CRPPA: variants seen among roughly 807,000 people sequenced by gnomAD.
CRPPA encodes D-ribitol-5-phosphate cytidylyltransferase.
A neutral mutation model predicts 52.0 loss-of-function variants in CRPPA; 43 were observed. The observed-to-expected ratio is 0.83, with a 90% CI of 0.65 to 1.07. The LOEUF (loss-of-function observed/expected upper bound fraction) is 1.07. Ranked by LOEUF, CRPPA falls within the 50% of genes least tolerant of loss-of-function variation. The pLI, the probability that CRPPA is intolerant of heterozygous loss-of-function variation, is 0.00. For synonymous variants in CRPPA, 250 were observed against 203.5 expected (o/e 1.23, Z -1.94); for missense variants, 629 against 551.7 (o/e 1.14, Z -1.40).
Position 16,090,647 on chromosome 7 carries a change from C to T in CRPPA, c.*1048G>A, listed in dbSNP as rs1244886214. 6.6e-6 allele frequency: 1 copy of T among 151,782 alleles called. No individual in the cohort carries two copies. Among genetic ancestry groups the T allele is most frequent in the Non-Finnish European group, 1.5e-5 (1 of 68,022 alleles). The allele number at this position is 151,782 out of a possible 1,614,324, so 9.4% of individuals were successfully genotyped here. A position where few individuals can be genotyped will look rare whatever the true frequency, so the allele number is the denominator to read the frequency against. On this transcript the variant is annotated 3_prime_UTR_variant, in exon 10 of 10. Transcript: ENST00000407010. ...CTGAGGGAGGATAATTGCTTAAACC[C>T]AGGAGGCAGAGGTTGCAGTCAGCTG... is the stretch of plus-strand genomic sequence containing the variant.
At chr7:16,113,836 A>G (rs1395261383) in intron 9 of CRPPA, among the ~76,000 whole-genome samples, 1 of 152,068 alleles carries the variant, frequency 6.6e-6, no homozygotes, top group Non-Finnish European at 1.5e-5. Context: ...TGTAACTCAC[A>G]TGGAAGGAAA....
intron 1 of CRPPA, among the ~76,000 whole-genome samples, chr7:16,412,074 A>T (rs56199980): frequency 0.15 from 22,998 of 152,194 alleles, 1,982 homozygotes; most frequent in Admixed American, 0.19. Flanking sequence ...CCTTAAAATA[A>T]CTCAAATTCT....
At chr7:16,362,500 C>T (rs1012675988) in intron 3 of CRPPA, among the ~76,000 whole-genome samples, 3 of 152,058 alleles carry the variant, frequency 2.0e-5, no homozygotes, top group Non-Finnish European at 4.4e-5. Flanking sequence ...AATGTCATCA[C>T]GTTGGGATTT....
rs1002371305 is a variant in CRPPA at position 16,360,219 on chromosome 7, C to T, written c.684+15873G>A. On this transcript the variant is annotated intron_variant, in intron 3 of 9. Transcript: ENST00000407010. ...AAGTTCAGTTTTCTATTCTGTAGTA[C>T]ATGAGGAAGATAAATTGTTTTTAAA... Among the ~76,000 whole-genome samples the T allele has an allele frequency of 3.3e-5, 5 of 152,180 alleles. No homozygotes were observed. The East Asian group carries it at 7.7e-4, about 23-fold the overall frequency.
intron 3 of CRPPA, among the ~76,000 whole-genome samples, chr7:16,316,084 C>A (rs1785137810): frequency 6.6e-6 from 1 of 152,082 alleles, no homozygotes; most frequent in African/African-American, 2.4e-5. Context: ...ACATGGTAAT[C>A]TATAAAATTG....
At chr7:16,338,344 A>G (rs943476313) in intron 3 of CRPPA, among the ~76,000 whole-genome samples, 5 of 152,220 alleles carry the variant, frequency 3.3e-5, no homozygotes, top group Non-Finnish European at 7.3e-5. Context: ...CACTTCCATG[A>G]TAAAAACTCA....
chr7:16,220,746 A>C (rs529304329), intron 8 of CRPPA, among the ~76,000 whole-genome samples: 2 of 150,882 alleles, frequency 1.3e-5, no homozygotes, highest in South Asian at 4.3e-4. Context: ...AGGGATGTGA[A>C]GGACCTCTTC....
chr7:16,383,014 G>C (rs1787153637), intron 2 of CRPPA, among the ~76,000 whole-genome samples: 1 of 152,220 alleles, frequency 6.6e-6, no homozygotes, highest in Non-Finnish European at 1.5e-5. Context: ...TCTCCGTCTA[G>C]CTTTGTTCCA....
In CRPPA at chr7:16,378,694, C is replaced by A. The variant is rs559388920; in HGVS notation, c.535-2453G>T. Among the ~76,000 whole-genome samples the A allele has an allele frequency of 2.4e-3, 361 of 150,328 alleles. 2 individuals are homozygous for A. Among genetic ancestry groups the A allele is most frequent in the African/African-American group, 8.5e-3 (349 of 41,222 alleles). Reference sequence around the variant, plus strand: ...CCCTGAGGAATCGCCACACTGACTTCCACAATGGTTGAACTAGTTTACAGT... The same window carrying A: ...CCCTGAGGAATCGCCACACTGACTTACACAATGGTTGAACTAGTTTACAGT... On this transcript the variant is annotated intron_variant, in intron 2 of 9. Transcript: ENST00000407010.
intron 9 of CRPPA, among the ~76,000 whole-genome samples, chr7:16,112,177 T>G (rs1329139964): frequency 6.6e-6 from 1 of 152,016 alleles, no homozygotes; most frequent in Non-Finnish European, 1.5e-5. Context: ...TAGCCAGGTG[T>G]GGTGGCATGT....
At chr7:16,347,830 T>C (rs1035269022) in intron 3 of CRPPA, among the ~76,000 whole-genome samples, 4 of 152,048 alleles carry the variant, frequency 2.6e-5, no homozygotes, top group African/African-American at 9.7e-5. Context: ...GAACCACATA[T>C]AGCACCCTAA....
At chr7:16,162,705 G>C (rs1225538348) in intron 9 of CRPPA, among the ~76,000 whole-genome samples, 2 of 152,158 alleles carry the variant, frequency 1.3e-5, no homozygotes, top group Admixed American at 6.5e-5. Context: ...GCTTTGTCCA[G>C]AGCTGAGTTT....
intron 3 of CRPPA, among the ~76,000 whole-genome samples, chr7:16,358,402 G>C (rs1187112552): frequency 1.3e-5 from 2 of 152,106 alleles, no homozygotes; most frequent in Non-Finnish European, 2.9e-5. Flanking sequence ...AATATATAAA[G>C]GTAGCTCTTA....
intron 5 of CRPPA, among the ~76,000 whole-genome samples, chr7:16,284,022 T>C (rs1784372420): frequency 6.6e-6 from 1 of 152,210 alleles, no homozygotes; most frequent in Non-Finnish European, 1.5e-5. Context: ...TTTGCATATG[T>C]GAAATGAGAA....
intron 8 of CRPPA, among the ~76,000 whole-genome samples, chr7:16,241,969 G>T (rs752377263): frequency 0.47 from 38,750 of 81,992 alleles, 7,347 homozygotes; most frequent in Non-Finnish European, 0.53. Context: ...TTTTTTTTTT[G>T]TTGGGGGGAG....
At chr7:16,263,071 A>C (rs1414330624) in intron 6 of CRPPA, among the ~76,000 whole-genome samples, 1 of 152,226 alleles carries the variant, frequency 6.6e-6, no homozygotes, top group Non-Finnish European at 1.5e-5. Flanking sequence ...ATCTTTAGAC[A>C]AAAGGCAAGT....
Position 16,147,649 on chromosome 7 carries a change from C to G in CRPPA, c.1252-55850G>C, listed in dbSNP as rs528555306. ...TTTGCTACTTAAAGTAAGTTGTACT[C>G]TAAGCTCTTTGAGGAATTAAAACAT... is the stretch of plus-strand genomic sequence containing the variant. On this transcript the variant is annotated intron_variant, in intron 9 of 9. Transcript: ENST00000407010. Among the ~76,000 whole-genome samples the G allele has an allele frequency of 3.3e-5, 5 of 152,264 alleles. No individual in the cohort carries two copies. In the East Asian group the frequency reaches 9.6e-4, roughly 29 times the overall value.
rs763474853 is a variant in CRPPA at position 16,308,631 on chromosome 7, G to C, written c.685-4C>G. ...ATTCCAAGTCATAGTCACTACACTG[G>C]TGTGGAAACAACAACAACAACAATT... On this transcript the variant is annotated splice_polypyrimidine_tract_variant and splice_region_variant and intron_variant, in intron 3 of 9. Transcript: ENST00000407010. The C allele has an allele frequency of 6.6e-7, 1 of 1,525,912 alleles. No individual in the cohort carries two copies. Among genetic ancestry groups the C allele is most frequent in the Admixed American group, 1.7e-5 (1 of 58,756 alleles). 94.5% of individuals were successfully genotyped at this position (1,525,912 alleles called of 1,614,324 possible).
intron 9 of CRPPA, among the ~76,000 whole-genome samples, chr7:16,196,447 T>C (rs1319704973): frequency 6.6e-6 from 1 of 152,200 alleles, no homozygotes; most frequent in Non-Finnish European, 1.5e-5. Flanking sequence ...TTAGCAGCTT[T>C]ACTAGGCTAC....
Sources: allele counts gnomAD v4.1 joint callset (sites outside exome capture counted in the v4.1 genomes callset), GRCh38; gene constraint gnomAD v4.1.1; transcripts MANE v1.5; gene names NCBI Gene and HGNC (gene_info 2026-07-23, HGNC 2026-07-21).